The following SLC13A3 variants were observed in gnomAD, a reference collection of about 807,000 sequenced individuals.
SLC13A3 encodes Na(+)/dicarboxylate cotransporter 3.
SLC13A3 carries 40 observed loss-of-function variants against 59.0 expected under a neutral mutation model. That is an observed-to-expected ratio of 0.68 (90% CI 0.53 to 0.88). SLC13A3 has a LOEUF of 0.88. SLC13A3 is among the 40% of genes least tolerant of loss of function. The pLI, the probability that SLC13A3 is intolerant of heterozygous loss-of-function variation, is 0.00. For missense variants in SLC13A3, 699 were observed against 783.2 expected, an observed-to-expected ratio of 0.89 and a Z score of 1.28; for synonymous variants, 317 against 330.3, an observed-to-expected ratio of 0.96 and a Z score of 0.44.
chr20:46,590,404 T>C (rs2062241585), intron 6 of SLC13A3, among the ~76,000 whole-genome samples: 1 of 151,704 alleles, frequency 6.6e-6, no homozygotes, highest in Non-Finnish European at 1.5e-5. Context: ...GGAAAAAAAA[T>C]GTAGCTTCTA....
intron 3 of SLC13A3, among the ~76,000 whole-genome samples, chr20:46,601,122 T>TG (rs1257378724): frequency 7.0e-6 from 1 of 142,112 alleles, no homozygotes; most frequent in Non-Finnish European, 1.5e-5. Flanking sequence ...CTAGGGGAGA[T>TG]GGGGGTGGGG....
intron 3 of SLC13A3, among the ~76,000 whole-genome samples, chr20:46,606,577 G>C (rs563159705): frequency 1.3e-5 from 2 of 152,144 alleles, no homozygotes; most frequent in Non-Finnish European, 2.9e-5. Context: ...GGTGGCTCAC[G>C]CCTGTAAGCC....
upstream of SLC13A3, among the ~76,000 whole-genome samples, chr20:46,655,973 G>A (rs989706896): frequency 7.2e-6 from 1 of 138,540 alleles, no homozygotes; most frequent in African/African-American, 2.7e-5. Context: ...ATGTATATAT[G>A]TATGTATATA....
At position 46,573,010 on chromosome 20, in the gene SLC13A3, A is replaced by G. The variant is rs752427207; in HGVS notation, c.1332+2563T>C. Among the ~76,000 whole-genome samples, 16 of 152,292 alleles carry G rather than the reference A, an allele frequency of 1.1e-4. No homozygotes were observed. The South Asian group carries it at 2.3e-3, about 22-fold the overall frequency. ...TCAAATCTTACCTCTGCTACTAATG[A>G]GCTGTGTTACCCAGAACCAGTTACT... On this transcript the variant is annotated intron_variant, in intron 10 of 12. Coordinates refer to ENST00000279027, the MANE Select transcript of SLC13A3 (RefSeq NM_022829.6).
upstream of SLC13A3, among the ~76,000 whole-genome samples, chr20:46,674,565 G>A (rs1370460457): frequency 6.6e-6 from 1 of 151,242 alleles, no homozygotes; most frequent in African/African-American, 2.4e-5. Context: ...CTCCAGCAGG[G>A]GAGACAGTGG....
At chr20:46,650,480 G>A (rs758147258) in intron 1 of SLC13A3, among the ~76,000 whole-genome samples, 5 of 152,126 alleles carry the variant, frequency 3.3e-5, no homozygotes, top group Admixed American at 1.3e-4. Context: ...GAATCTTACC[G>A]TCCTCATCAC....
At chr20:46,600,089 A>C in intron 3 of SLC13A3, 52 bp from the exon 4 acceptor site, 1 of 1,388,714 alleles carries the variant, frequency 7.2e-7, no homozygotes, top group Non-Finnish European at 9.8e-7. Flanking sequence ...ATGGAACAGG[A>C]GTGTCCCAAA....
At chr20:46,662,928 T>C (rs2063040140) in intron 1 of SLC13A3, among the ~76,000 whole-genome samples, 1 of 152,246 alleles carries the variant, frequency 6.6e-6, no homozygotes, top group Non-Finnish European at 1.5e-5. Context: ...TATGAATTTA[T>C]AAGTCTTATC....
chr20:46,571,636 C>T (rs1219418754), intron 10 of SLC13A3, among the ~76,000 whole-genome samples: 2 of 152,154 alleles, frequency 1.3e-5, no homozygotes, highest in African/African-American at 4.8e-5. Context: ...TGGTCTCTGC[C>T]TGCCCTCATG....
At chr20:46,610,385 C>T (rs761267788) in intron 3 of SLC13A3, 61 bp downstream of exon 3, 320 of 1,526,878 alleles carry the variant, frequency 2.1e-4, no homozygotes, top group Non-Finnish European at 2.7e-4. Context: ...ATCCTTTGGA[C>T]ATCCCATTCC....
intron 3 of SLC13A3, among the ~76,000 whole-genome samples, chr20:46,601,208 T>C (rs2062377527): frequency 6.6e-6 from 1 of 152,142 alleles, no homozygotes; most frequent in African/African-American, 2.4e-5. Flanking sequence ...CAAGACGATA[T>C]GATTTACATT....
chr20:46,605,435 C>T (rs2062428824), intron 3 of SLC13A3, among the ~76,000 whole-genome samples: 1 of 152,028 alleles, frequency 6.6e-6, no homozygotes, highest in South Asian at 2.1e-4. Context: ...CAGAAATTGC[C>T]AGTTGATTAG....
At chr20:46,659,640 G>A (rs538628361) in intron 1 of SLC13A3, among the ~76,000 whole-genome samples, 7 of 151,690 alleles carry the variant, frequency 4.6e-5, no homozygotes, top group South Asian at 2.1e-4. Flanking sequence ...GCTCGAGCCC[G>A]GGGAGGTGGA....
At chr20:46,626,521 G>A (rs2062674515) in intron 1 of SLC13A3, among the ~76,000 whole-genome samples, 2 of 152,144 alleles carry the variant, frequency 1.3e-5, no homozygotes, top group Non-Finnish European at 2.9e-5. Flanking sequence ...AGTAGGTCAA[G>A]AGTGTGTTTT....
At chr20:46,625,219 G>A (rs2062655870) in intron 1 of SLC13A3, among the ~76,000 whole-genome samples, 1 of 152,186 alleles carries the variant, frequency 6.6e-6, no homozygotes, top group Non-Finnish European at 1.5e-5. Flanking sequence ...CTTCCAGCCT[G>A]TAGAGCCCTC....
intron 10 of SLC13A3, among the ~76,000 whole-genome samples, chr20:46,566,867 T>C (rs1327552180): frequency 6.6e-6 from 1 of 151,092 alleles, no homozygotes; most frequent in Admixed American, 6.6e-5. Flanking sequence ...CTATATATCA[T>C]ATATAAAACA....
upstream of SLC13A3, among the ~76,000 whole-genome samples, chr20:46,673,298 A>C (rs1243518038): frequency 6.6e-6 from 1 of 152,156 alleles, no homozygotes; most frequent in Non-Finnish European, 1.5e-5. Flanking sequence ...GGTATGAATA[A>C]ATATATTAAC....
chr20:46,568,975 T>C (rs1212513431), intron 10 of SLC13A3, among the ~76,000 whole-genome samples: 1 of 152,082 alleles, frequency 6.6e-6, no homozygotes. Flanking sequence ...CACCTGCCCT[T>C]TCCCATTTTA....
At chr20:46,661,473 C>T (rs554912351) in intron 1 of SLC13A3, among the ~76,000 whole-genome samples, 4 of 152,268 alleles carry the variant, frequency 2.6e-5, no homozygotes, top group South Asian at 4.2e-4. Context: ...GATCTGAGAC[C>T]GGAGCACTGG....
Sources: gnomAD v4.1 joint callset for allele counts (sites outside exome capture counted in the v4.1 genomes callset) on GRCh38, gnomAD v4.1.1 for gene constraint, MANE v1.5 for transcripts, NCBI Gene and HGNC (gene_info 2026-07-23, HGNC 2026-07-21) for gene names.